Variants in RGS6 observed in about 807,000 individuals in gnomAD.
RGS6 encodes the protein regulator of G protein signaling 6.
A neutral mutation model predicts 78.5 loss-of-function variants in RGS6; 30 were observed. That is an observed-to-expected ratio of 0.38 (90% CI 0.29 to 0.52). The LOEUF (loss-of-function observed/expected upper bound fraction) is 0.52, where lower values mean the gene tolerates loss of function less well. Among genes scored for constraint, RGS6 ranks in the 20% least tolerant of loss-of-function variants. The probability of loss-of-function intolerance (pLI) is 0.85; values close to 1 mark genes in which losing one functional copy is unlikely to be tolerated. For missense variants in RGS6, 495 were observed against 609.7 expected (o/e 0.81, Z 1.98); for synonymous variants, 206 against 206.0 (o/e 1.00, Z 0.00).
chr14:71,918,440 C>G, the RGS6 span, among the ~76,000 whole-genome samples: 1 of 152,122 alleles, frequency 6.6e-6, no homozygotes. Context: ...AAAAGATTAT[C>G]CAGTGGATTC....
At chr14:72,422,121 C>T (rs755188653) in intron 3 of RGS6, among the ~76,000 whole-genome samples, 29 of 152,156 alleles carry the variant, frequency 1.9e-4, no homozygotes, top group Non-Finnish European at 3.2e-4. Context: ...TGCCTGCTGC[C>T]ATCTATGTAA....
intron 3 of RGS6, among the ~76,000 whole-genome samples, chr14:72,394,169 G>T (rs1317580501): frequency 6.6e-6 from 1 of 152,062 alleles, no homozygotes; most frequent in African/African-American, 2.4e-5. Context: ...GAGAAACAAA[G>T]GGAAAGAGTA....
At chr14:72,022,269 T>C (rs1034611806) in intron 2 of RGS6, 3 of 152,222 alleles carry the variant, frequency 2.0e-5, no homozygotes, top group Admixed American at 2.0e-4. Context: ...GGTAGAATGA[T>C]TTCTATTCCT....
intron 2 of RGS6, among the ~76,000 whole-genome samples, chr14:72,058,895 G>A (rs928865679): frequency 1.3e-5 from 2 of 152,070 alleles, no homozygotes; most frequent in African/African-American, 4.8e-5. Context: ...CTTCACAGCT[G>A]CACTTATTTT....
intron 2 of RGS6, among the ~76,000 whole-genome samples, chr14:72,099,333 A>G (rs768512057): frequency 2.0e-4 from 31 of 151,972 alleles, no homozygotes; most frequent in Non-Finnish European, 3.1e-4. Context: ...CTAATTTTTT[A>G]TATTTTTAGT....
chr14:72,196,770 T>G (rs965051811), intron 2 of RGS6, among the ~76,000 whole-genome samples: 2 of 152,230 alleles, frequency 1.3e-5, no homozygotes, highest in African/African-American at 4.8e-5. Context: ...TGATTTGTAT[T>G]CTGCTTCTCC....
intron 2 of RGS6, among the ~76,000 whole-genome samples, chr14:72,198,639 G>A (rs1006944782): frequency 1.3e-5 from 2 of 152,208 alleles, no homozygotes; most frequent in African/African-American, 4.8e-5. Flanking sequence ...CAGATGGAAA[G>A]GACCTTGAAG....
chr14:72,406,541 G>A lies in RGS6; in HGVS notation c.185-47987G>A, dbSNP rs573920395. On this transcript the variant is annotated intron_variant, in intron 3 of 17. Transcript: ENST00000553525. Reference sequence around the variant, plus strand: ...AGAGGTGTAGAGGCTCCCAAAGCTCGTCAATTGTTTATGAAGGGAGTAAAG... The same window carrying A: ...AGAGGTGTAGAGGCTCCCAAAGCTCATCAATTGTTTATGAAGGGAGTAAAG... Among the ~76,000 whole-genome samples, 6 of 152,290 alleles carry A rather than the reference G, an allele frequency of 3.9e-5. No homozygotes were observed. The South Asian group carries it at 6.2e-4, about 16-fold the overall frequency.
At chr14:72,472,185 A>AG (rs2096098670) in intron 8 of RGS6, among the ~76,000 whole-genome samples, 1 of 142,652 alleles carries the variant, frequency 7.0e-6, no homozygotes, top group Non-Finnish European at 1.5e-5. Flanking sequence ...AAAAAAAAAA[A>AG]GAAAGAAAAA....
At chr14:72,298,151 G>A (rs912747335) in intron 2 of RGS6, among the ~76,000 whole-genome samples, 1 of 151,916 alleles carries the variant, frequency 6.6e-6, no homozygotes, top group African/African-American at 2.4e-5. Context: ...AGTGAGGGAA[G>A]TTTTTTCTTT....
intron 3 of RGS6, among the ~76,000 whole-genome samples, chr14:72,396,857 A>C (rs577954640): frequency 2.0e-5 from 3 of 152,238 alleles, no homozygotes; most frequent in Admixed American, 6.5e-5. Context: ...ATAGTTGTAG[A>C]TGTGCGGCAT....
At chr14:72,594,550 C>A in the RGS6 span, among the ~76,000 whole-genome samples, 1 of 152,160 alleles carries the variant, frequency 6.6e-6, no homozygotes, top group Non-Finnish European at 1.5e-5. Context: ...TAGGCTATCA[C>A]CACTCATACT....
chr14:72,009,758 T>C (rs1286063517), intron 2 of RGS6, among the ~76,000 whole-genome samples: 1 of 152,210 alleles, frequency 6.6e-6, no homozygotes, highest in Non-Finnish European at 1.5e-5. Context: ...GTAGTTTGCT[T>C]CACAGCAATA....
the RGS6 span, among the ~76,000 whole-genome samples, chr14:71,895,886 G>T: frequency 2.0e-5 from 3 of 152,082 alleles, no homozygotes; most frequent in Non-Finnish European, 2.9e-5. Flanking sequence ...TGGCATTTCT[G>T]CTCAGAGAGA....
chr14:72,181,940 T>C (rs1476868054), intron 2 of RGS6, among the ~76,000 whole-genome samples: 1 of 152,220 alleles, frequency 6.6e-6, no homozygotes, highest in East Asian at 1.9e-4. Flanking sequence ...TGCAGATTAC[T>C]AAGTGACTGA....
chr14:72,330,283 C>T (rs1018396685), intron 2 of RGS6, among the ~76,000 whole-genome samples: 10 of 152,228 alleles, frequency 6.6e-5, no homozygotes, highest in South Asian at 2.1e-4. Context: ...CCGGTGATAT[C>T]AGAGTGGCAC....
At chr14:72,397,656 T>C (rs2091640619) in intron 3 of RGS6, among the ~76,000 whole-genome samples, 1 of 152,242 alleles carries the variant, frequency 6.6e-6, no homozygotes, top group African/African-American at 2.4e-5. Flanking sequence ...TTCCAGTTTT[T>C]GTCCATTCAG....
chr14:71,881,588 G>C, the RGS6 span, among the ~76,000 whole-genome samples: 51 of 152,178 alleles, frequency 3.4e-4, no homozygotes, highest in Non-Finnish European at 7.1e-4. Flanking sequence ...TTCTCATTCT[G>C]TCTCGTCTGC....
intron 2 of RGS6, among the ~76,000 whole-genome samples, chr14:72,232,913 G>A (rs994055154): frequency 6.6e-6 from 1 of 152,180 alleles, no homozygotes; most frequent in African/African-American, 2.4e-5. Flanking sequence ...CATGCAGCCT[G>A]TACGCTTCCT....
Sources: allele counts gnomAD v4.1 joint callset (sites outside exome capture counted in the v4.1 genomes callset), GRCh38; gene constraint gnomAD v4.1.1; transcripts MANE v1.5; gene names NCBI Gene and HGNC (gene_info 2026-07-23, HGNC 2026-07-21).